Variants in NLRP13 observed in about 807,000 individuals in gnomAD.
The protein encoded by NLRP13 is NACHT, LRR and PYD domains-containing protein 13.
A neutral mutation model predicts 94.4 loss-of-function variants in NLRP13; 82 were observed. The ratio of observed to expected loss-of-function variants is 0.87; its 90% CI spans 0.73 to 1.04. The LOEUF is 1.04. NLRP13 is among the 50% of genes least tolerant of loss of function. NLRP13 has a pLI of 0.00. For missense variants in NLRP13, 1,426 were observed against 1,230.8 expected, an observed-to-expected ratio of 1.16 and a Z score of -2.37; for synonymous variants, 553 against 464.7, an observed-to-expected ratio of 1.19 and a Z score of -2.45.
chr19:55,898,704 G>C (rs755513438), intron 10 of NLRP13, 66 bp downstream of exon 10: 1 of 1,469,472 alleles, frequency 6.8e-7, no homozygotes, highest in Non-Finnish European at 9.2e-7. Context: ...GATGGGATCC[G>C]ATCATATCTC....
At chr19:55,931,406 T>A (rs374344508) in intron 1 of NLRP13, among the ~76,000 whole-genome samples, 61 of 152,016 alleles carry the variant, frequency 4.0e-4, no homozygotes, top group African/African-American at 1.3e-3. Context: ...GGGACAAATT[T>A]GCATGTTTAA....
Position 55,913,244 on chromosome 19 carries a change from TGTCTCCAGTA to T in NLRP13, c.563_572del (p.Leu188HisfsTer41). 1 of 1,614,172 alleles carries T rather than the reference TGTCTCCAGTA, an allele frequency of 6.2e-7. No homozygotes were observed. Among genetic ancestry groups the T allele is most frequent in the Non-Finnish European group, 8.5e-7 (1 of 1,180,012 alleles). On this transcript the variant is annotated frameshift_variant, in exon 5 of 11. Coordinates refer to ENST00000342929, the MANE Select transcript of NLRP13 (RefSeq NM_176810.2). LOFTEE classifies it high-confidence loss of function. ...CTTTAGGCCAACTGATGTTGTCCCA[TGTCTCCAGTA>T]GTTCAGCCTTCATGTTCTCTCTGTA...
In NLRP13 at chr19:55,896,028, C is replaced by G; in HGVS notation, c.3049G>C (p.Gly1017Arg). 1 of 1,614,170 alleles carries G rather than the reference C, an allele frequency of 6.2e-7. No individual in the cohort carries two copies. Among genetic ancestry groups the G allele is most frequent in the Non-Finnish European group, 8.5e-7 (1 of 1,180,020 alleles). The change falls in exon 11 of 11, where the codon GGC (glycine) becomes CGC (arginine). Residue 1017 changes from glycine to arginine, a missense_variant. Coordinates refer to ENST00000342929, the MANE Select transcript of NLRP13 (RefSeq NM_176810.2). ...ACACCATCAGTATCCAATTCATTGC[C>G]TAGAAGGTTCAGATTGACCAGGCTC... ...SKSLVNLNLLGNELDTDGVKM... is the reference protein window; with the variant it reads ...SKSLVNLNLLRNELDTDGVKM...
At position 55,929,218 on chromosome 19, in the gene NLRP13, G is replaced by A. The variant is rs545439095; in HGVS notation, c.319+2775C>T. Among the ~76,000 whole-genome samples the A allele has an allele frequency of 1.1e-4, 17 of 152,260 alleles. No individual in the cohort carries two copies. In the South Asian group the frequency reaches 1.2e-3, roughly 11 times the overall value. On this transcript the variant is annotated intron_variant, in intron 1 of 10. Transcript: ENST00000342929. ...CAACCATTGTGGAAGACAGTGTGGC[G>A]ATTCCTCAAGGATCTAGAACTAGAA...
At chr19:55,908,472 G>A (rs183292047) in intron 6 of NLRP13, among the ~76,000 whole-genome samples, 60 of 152,268 alleles carry the variant, frequency 3.9e-4, no homozygotes, top group South Asian at 2.1e-4. Flanking sequence ...ATATGCACAC[G>A]TACGTTCATT....
chr19:55,901,433 GA>G (rs1986170208), intron 9 of NLRP13, among the ~76,000 whole-genome samples: 2 of 152,182 alleles, frequency 1.3e-5, no homozygotes, highest in African/African-American at 4.8e-5. Context: ...AGAGAGGGGA[GA>G]GGGGGAAAAG....
chr19:55,905,136 T>C, intron 7 of NLRP13, 24 bp from the exon 8 acceptor site: 1 of 1,611,548 alleles, frequency 6.2e-7, no homozygotes, highest in Non-Finnish European at 8.5e-7. Context: ...AGGTGCAAGG[T>C]GAGCCTCAGC....
downstream of NLRP13, among the ~76,000 whole-genome samples, chr19:55,893,524 C>T (rs945027956): frequency 2.0e-5 from 3 of 152,102 alleles, no homozygotes; most frequent in African/African-American, 7.2e-5. Flanking sequence ...TCGACTGGGA[C>T]CTCCCACCAC....
intron 4 of NLRP13, among the ~76,000 whole-genome samples, chr19:55,918,253 CA>C (rs34099048): frequency 0.42 from 54,911 of 130,532 alleles, 10,820 homozygotes; most frequent in Non-Finnish European, 0.47. Flanking sequence ...TGTGATACAG[CA>C]AAAAAAAAAA....
chr19:55,912,852 C>T lies in NLRP13; in HGVS notation c.965G>A (p.Arg322His), dbSNP rs764097069. 57 of 1,613,968 alleles carry T rather than the reference C, an allele frequency of 3.5e-5. No individual in the cohort carries two copies. Among genetic ancestry groups the T allele is most frequent in the Admixed American group, 2.2e-4 (13 of 59,998 alleles). The change falls in exon 5 of 11, where the codon CGC (arginine) becomes CAC (histidine). Residue 322 changes from arginine to histidine, a missense_variant. By Grantham distance (29) the Arg-to-His change is conservative (BLOSUM62 0). Transcript: ENST00000342929. Reference protein sequence around the residue: ...GFEEIIISESRSESLDDGSPC... With the variant: ...GFEEIIISESHSESLDDGSPC... Reference sequence around the variant, plus strand: ...CGAGCCATCATCCAAGCTCTCAGAGCGTGACTCAGATATGATTATTTCCTC... The same window carrying T: ...CGAGCCATCATCCAAGCTCTCAGAGTGTGACTCAGATATGATTATTTCCTC...
rs146939298 is a variant in NLRP13 at position 55,912,545 on chromosome 19, G to A, written c.1272C>T (p.Ala424=). The part of the protein sequence containing the change: ...KNETLFHSCS[A]PMVCWTVCSC... Reference sequence around the variant, plus strand: ...AACATACGGTCCAACACACCATGGGGGCACTGCAGGAATGAAAGAGAGTTT... The same window carrying A: ...AACATACGGTCCAACACACCATGGGAGCACTGCAGGAATGAAAGAGAGTTT... Residue 424 remains alanine, a synonymous_variant, in exon 5 of 11, where the codon GCC becomes GCT. Coordinates refer to ENST00000342929, the MANE Select transcript of NLRP13 (RefSeq NM_176810.2). 3.1e-6 allele frequency: 5 copies of A among 1,613,964 alleles called. No individual in the cohort carries two copies. In the African/African-American group the frequency reaches 5.3e-5, roughly 17 times the overall value.
At chr19:55,900,995 G>A (rs1205558614) in intron 9 of NLRP13, among the ~76,000 whole-genome samples, 3 of 152,110 alleles carry the variant, frequency 2.0e-5, no homozygotes, top group Admixed American at 2.0e-4. Flanking sequence ...TCACGTCTTG[G>A]TACATGCTAG....
chr19:55,904,997 T>C lies in NLRP13; in HGVS notation c.2563A>G (p.Ile855Val), dbSNP rs1230994670. The C allele has an allele frequency of 2.5e-6, 4 of 1,614,060 alleles. No individual in the cohort carries two copies. The highest frequency in any genetic ancestry group is 3.4e-6 in the Non-Finnish European group (4 of 1,180,010). ...LGFNRLQDDGIKLLCAALTHP... is the reference protein window; with the variant it reads ...LGFNRLQDDGVKLLCAALTHP... ...GTCAGGGCCGCACACAATAGCTTTATGCCATCATCTTGGAGCCGATTAAAT... is the reference window on the plus strand; with the variant it reads ...GTCAGGGCCGCACACAATAGCTTTACGCCATCATCTTGGAGCCGATTAAAT... The change falls in exon 8 of 11, where the codon ATA (isoleucine) becomes GTA (valine). Residue 855 changes from isoleucine to valine, a missense_variant. Coordinates refer to ENST00000342929, the MANE Select transcript of NLRP13 (RefSeq NM_176810.2).
intron 1 of NLRP13, among the ~76,000 whole-genome samples, chr19:55,927,498 A>G (rs565137839): frequency 1.3e-5 from 2 of 150,234 alleles, no homozygotes. Context: ...CCATTTGTAC[A>G]CCTGTGGAAG....
chr19:55,930,898 A>ATACACGT, intron 1 of NLRP13, among the ~76,000 whole-genome samples: 1 of 104,908 alleles, frequency 9.5e-6, no homozygotes, highest in Non-Finnish European at 1.9e-5. Flanking sequence ...ATATATATAT[A>ATACACGT]AAATTTTAAC....
At chr19:55,922,615 C>T (rs1600276582) in intron 4 of NLRP13, among the ~76,000 whole-genome samples, 1 of 152,206 alleles carries the variant, frequency 6.6e-6, no homozygotes, top group East Asian at 1.9e-4. Context: ...CGTGAGCCAT[C>T]ATGCCCAGCA....
intron 8 of NLRP13, 133 bp from the exon 9 acceptor site, chr19:55,902,338 G>A (rs147930255): frequency 7.3e-6 from 5 of 682,084 alleles, no homozygotes; most frequent in Non-Finnish European, 1.2e-5. Flanking sequence ...TTTCTTTTTA[G>A]CTGGACACCG....
At chr19:55,927,416 C>T (rs1191633904) in intron 1 of NLRP13, among the ~76,000 whole-genome samples, 3 of 149,490 alleles carry the variant, frequency 2.0e-5, no homozygotes, top group East Asian at 3.9e-4. Context: ...CATTTGCCTT[C>T]GATTATTCTC....
chr19:55,907,046 G>A (rs530350654), intron 7 of NLRP13, among the ~76,000 whole-genome samples: 92 of 152,068 alleles, frequency 6.0e-4, no homozygotes, highest in African/African-American at 2.1e-3. Flanking sequence ...TGCAACCTCC[G>A]CTCCCGGGTT....
Sources: gnomAD v4.1 joint callset for allele counts (sites outside exome capture counted in the v4.1 genomes callset) on GRCh38, gnomAD v4.1.1 for gene constraint, MANE v1.5 for transcripts, NCBI Gene and HGNC (gene_info 2026-07-23, HGNC 2026-07-21) for gene names.